The following C10orf143 variants were observed in gnomAD, a reference collection of about 807,000 sequenced individuals.
The protein encoded by C10orf143 is uncharacterized protein C10orf143.
At chr10:130,076,408 CAGA>C (rs1244968700) in intron 3 of C10orf143, among the ~76,000 whole-genome samples, 2 of 152,140 alleles carry the variant, frequency 1.3e-5, no homozygotes, top group Non-Finnish European at 2.9e-5. Flanking sequence ...CTCCACAACA[CAGA>C]GGAGGGGCAG....
chr10:130,092,084 G>A (rs113950776), intron 1 of C10orf143, among the ~76,000 whole-genome samples: 4 of 152,146 alleles, frequency 2.6e-5, no homozygotes, highest in African/African-American at 7.2e-5. Flanking sequence ...GATACTCCTT[G>A]AGAAGAGCAA....
At chr10:130,045,743 C>T (rs944805158) in intron 3 of C10orf143, among the ~76,000 whole-genome samples, 4 of 152,194 alleles carry the variant, frequency 2.6e-5, no homozygotes, top group African/African-American at 7.2e-5. Flanking sequence ...TCCCGCCACG[C>T]GGGCGGGAAA....
chr10:130,064,643 T>A (rs1860899946), intron 3 of C10orf143, among the ~76,000 whole-genome samples: 1 of 152,170 alleles, frequency 6.6e-6, no homozygotes, highest in African/African-American at 2.4e-5. Context: ...CCTATAGTAC[T>A]TTGAGGAATA....
intron 3 of C10orf143, among the ~76,000 whole-genome samples, chr10:130,075,870 C>T (rs949561743): frequency 6.6e-6 from 1 of 152,120 alleles, no homozygotes. Context: ...CTGAGGCCTC[C>T]CAGCCATGCT....
chr10:130,059,301 G>A (rs1028830511), downstream of C10orf143, among the ~76,000 whole-genome samples: 3 of 152,120 alleles, frequency 2.0e-5, no homozygotes, highest in Non-Finnish European at 4.4e-5. Context: ...GAGAAAAATT[G>A]TGTGGCAAAT....
At chr10:130,106,230 G>C (rs1436936710) in intron 1 of C10orf143, 3 of 1,379,012 alleles carry the variant, frequency 2.2e-6, no homozygotes, top group Non-Finnish European at 3.1e-6. Context: ...CTGTGGAGAA[G>C]TTTTAGATCG....
intron 3 of C10orf143, among the ~76,000 whole-genome samples, chr10:130,047,551 A>G (rs1231719374): frequency 6.6e-6 from 1 of 152,124 alleles, no homozygotes; most frequent in Non-Finnish European, 1.5e-5. Flanking sequence ...GGATTCCTGC[A>G]CTAAGTAACT....
At chr10:130,103,892 T>A (rs574604813) in intron 1 of C10orf143, among the ~76,000 whole-genome samples, 4 of 152,134 alleles carry the variant, frequency 2.6e-5, no homozygotes. Flanking sequence ...ATTATCGACT[T>A]GATTTTCCAG....
intron 1 of C10orf143, chr10:130,107,658 T>C (rs1250496332): frequency 5.3e-6 from 7 of 1,314,936 alleles, no homozygotes; most frequent in Admixed American, 3.4e-5. Flanking sequence ...CCCGCAACTC[T>C]GTTGGAGGGT....
chr10:130,089,853 G>GT, intron 1 of C10orf143, among the ~76,000 whole-genome samples: 1 of 152,268 alleles, frequency 6.6e-6, no homozygotes, highest in Middle Eastern at 3.4e-3. Flanking sequence ...ATATCCACAT[G>GT]TAAAAAGATA....
intron 1 of C10orf143, chr10:130,104,942 T>A (rs192511670): frequency 0.012 from 1,851 of 152,350 alleles, 20 homozygotes; most frequent in Non-Finnish European, 0.022. Flanking sequence ...TTTACTTTTT[T>A]ATTTGAGACA....
At chr10:130,103,041 C>T (rs568917083) in intron 1 of C10orf143, among the ~76,000 whole-genome samples, 7 of 151,268 alleles carry the variant, frequency 4.6e-5, no homozygotes, top group Admixed American at 2.6e-4. Context: ...TGCAATGGTG[C>T]GATCTCGGCT....
chr10:130,060,989 T>C (rs1860851223), downstream of C10orf143, among the ~76,000 whole-genome samples: 1 of 151,974 alleles, frequency 6.6e-6, no homozygotes, highest in Admixed American at 6.6e-5. Context: ...AATACAAAAA[T>C]TAGCCAGGCG....
At chr10:130,099,512 T>A (rs575815119) in intron 1 of C10orf143, among the ~76,000 whole-genome samples, 3 of 3,350 alleles carry the variant, frequency 9.0e-4, no homozygotes, top group Non-Finnish European at 5.9e-3. Flanking sequence ...TCTTTTATTT[T>A]TATTTATTTA....
intron 1 of C10orf143, chr10:130,106,687 A>G (rs1323717892): frequency 8.1e-7 from 1 of 1,233,238 alleles, no homozygotes; most frequent in Non-Finnish European, 1.2e-6. Context: ...CTTTGAATGA[A>G]AACTCTCACC....
intron 1 of C10orf143, among the ~76,000 whole-genome samples, chr10:130,089,876 T>C (rs569411180): frequency 1.8e-4 from 28 of 152,324 alleles, no homozygotes; most frequent in African/African-American, 6.0e-4. Flanking sequence ...GTTGGCCTCT[T>C]GACATATATC....
intron 1 of C10orf143, 49 bp from the exon 2 acceptor site, chr10:130,079,950 ACT>A (rs1590021855): frequency 5.0e-6 from 2 of 398,420 alleles, no homozygotes; most frequent in Admixed American, 4.4e-5. Flanking sequence ...AGCACACAAC[ACT>A]CTAATTGAAT....
intron 3 of C10orf143, among the ~76,000 whole-genome samples, chr10:130,058,580 A>ATTT (rs5789009): frequency 0.037 from 5,382 of 144,044 alleles, 294 homozygotes; most frequent in African/African-American, 0.12. Context: ...TTTAAACAGC[A>ATTT]TTTTTTTTTT....
chr10:130,076,746 C>T (rs888302490), intron 3 of C10orf143, among the ~76,000 whole-genome samples: 13 of 152,156 alleles, frequency 8.5e-5, no homozygotes, highest in Non-Finnish European at 1.9e-4. Context: ...GCTTCATTTC[C>T]ATTTCACACT....
Sources: gnomAD v4.1 joint callset for allele counts (sites outside exome capture counted in the v4.1 genomes callset) on GRCh38, gnomAD v4.1.1 for gene constraint, MANE v1.5 for transcripts, NCBI Gene and HGNC (gene_info 2026-07-23, HGNC 2026-07-21) for gene names.